Variants in TPM1 observed in about 807,000 individuals in gnomAD.
The protein encoded by TPM1 is tropomyosin alpha-1 chain.
A neutral mutation model predicts 42.9 loss-of-function variants in TPM1; 24 were observed. That is an observed-to-expected ratio of 0.56 (90% CI 0.41 to 0.79). The LOEUF is 0.79. Among genes scored for constraint, TPM1 ranks in the 30% least tolerant of loss-of-function variants. TPM1 has a pLI of 0.00. For synonymous variants in TPM1, 136 were observed against 130.1 expected (o/e 1.05, Z -0.31); for missense variants, 158 against 351.8 (o/e 0.45, Z 4.41).
intron 2 of TPM1, 114 bp downstream of exon 2, chr15:63,044,266 A>C: frequency 1.3e-6 from 2 of 1,510,076 alleles, no homozygotes; most frequent in East Asian, 4.6e-5. Flanking sequence ...GGACACCTGC[A>C]CACAGCCCTG....
chr15:63,071,293 C>G (rs1451467917), exon 9 of TPM1: 2 of 1,149,648 alleles, frequency 1.7e-6, no homozygotes, highest in Non-Finnish European at 1.3e-6. Flanking sequence ...CCACAAGATA[C>G]CAGCTAGGTC....
At chr15:63,062,339 G>T in intron 7 of TPM1, 62 bp downstream of exon 7, 1 of 1,520,486 alleles carries the variant, frequency 6.6e-7, no homozygotes, top group Non-Finnish European at 9.1e-7. Flanking sequence ...TCATGGAACC[G>T]GTCAGGGCCT....
chr15:63,062,117 C>A, intron 6 of TPM1, 98 bp from the exon 7 acceptor site: 1 of 1,077,764 alleles, frequency 9.3e-7, no homozygotes, highest in East Asian at 2.4e-5. Flanking sequence ...CTAAGAGATC[C>A]TTAACATCTG....
chr15:63,053,522 C>G (rs1270067601), intron 2 of TPM1, among the ~76,000 whole-genome samples: 1 of 152,106 alleles, frequency 6.6e-6, no homozygotes, highest in Non-Finnish European at 1.5e-5. Flanking sequence ...GTCAGAGTTC[C>G]CTCCTGCCGC....
intron 2 of TPM1, among the ~76,000 whole-genome samples, chr15:63,054,121 G>A (rs1574311): frequency 0.67 from 101,681 of 151,918 alleles, 34,498 homozygotes; most frequent in East Asian, 0.95. Flanking sequence ...GCCTCCTCAG[G>A]AAGGGGCAGC....
In TPM1 at chr15:63,062,386, A is replaced by G. The variant is rs767854239; in HGVS notation, c.702+109A>G. 373 of 1,343,654 alleles carry G rather than the reference A, an allele frequency of 2.8e-4. 3 individuals carry two copies. Among genetic ancestry groups the G allele is most frequent in the Middle Eastern group, 8.9e-4 (5 of 5,606 alleles). 83.2% of individuals were successfully genotyped at this position (1,343,654 alleles called of 1,614,324 possible). A position where few individuals can be genotyped will look rare whatever the true frequency, so the allele number is the denominator to read the frequency against. Reference sequence around the variant, plus strand: ...AGTTCCAATGATCCAAGTCAGGAATATTCAAAGGTCGCCTTGGAGTTTATG... The same window carrying G: ...AGTTCCAATGATCCAAGTCAGGAATGTTCAAAGGTCGCCTTGGAGTTTATG... On this transcript the variant is annotated intron_variant, in intron 7 of 9. Transcript: ENST00000403994.
Position 63,048,304 on chromosome 15 carries a change from G to T in TPM1, c.240+4152G>T. The T allele has an allele frequency of 2.3e-6, 2 of 880,930 alleles. 1 individual carries two copies. Among genetic ancestry groups the T allele is most frequent in the South Asian group, 2.8e-5 (2 of 70,892 alleles). 54.6% of individuals were successfully genotyped at this position (880,930 alleles called of 1,614,324 possible). A position where few individuals can be genotyped will look rare whatever the true frequency, so the allele number is the denominator to read the frequency against. ...CGCCGGGAGCGCCTTTCTCCCCGCCGCCGCGAGCATGCGCAGTGCCCCCAG... is the reference window on the plus strand; with the variant it reads ...CGCCGGGAGCGCCTTTCTCCCCGCCTCCGCGAGCATGCGCAGTGCCCCCAG... On this transcript the variant is annotated intron_variant, in intron 2 of 9. Coordinates refer to ENST00000403994, the MANE Select transcript of TPM1 (RefSeq NM_001018005.2).
intron 1 of TPM1, 105 bp downstream of exon 1, chr15:63,043,048 C>T (rs983619135): frequency 3.1e-6 from 3 of 980,976 alleles, no homozygotes; most frequent in Non-Finnish European, 4.7e-6. Context: ...CACCACCCTA[C>T]CCCCACCACC....
At chr15:63,046,510 T>G (rs1385071753) in intron 2 of TPM1, 2 of 152,234 alleles carry the variant, frequency 1.3e-5, no homozygotes, top group Non-Finnish European at 2.9e-5. Context: ...ATTTTTCTAC[T>G]ACTTTACAAA....
At chr15:63,055,208 A>G (rs2140884695) in intron 2 of TPM1, among the ~76,000 whole-genome samples, 1 of 152,352 alleles carries the variant, frequency 6.6e-6, no homozygotes, top group East Asian at 1.9e-4. Context: ...TAGGCAGTAC[A>G]GTTGTAAATG....
chr15:63,056,926 C>T, intron 2 of TPM1, 59 bp from the exon 3 acceptor site: 1 of 1,612,830 alleles, frequency 6.2e-7, no homozygotes. Flanking sequence ...CAGCCATTTC[C>T]TGAAGCTACC....
chr15:63,051,130 A>G (rs1489566906), intron 2 of TPM1, among the ~76,000 whole-genome samples: 1 of 152,338 alleles, frequency 6.6e-6, no homozygotes, highest in East Asian at 1.9e-4. Context: ...CATTATTTAA[A>G]GAAAAAGGCA....
rs921727610 is a variant in TPM1 at position 63,065,635 on chromosome 15, G to A, written c.852-261G>A. ...AGTATGATTAAATATTCTGAAAGACGAGTGTAGCTTAAAATTTTTTTTGTT... is the reference window on the plus strand; with the variant it reads ...AGTATGATTAAATATTCTGAAAGACAAGTGTAGCTTAAAATTTTTTTTGTT... On this transcript the variant is annotated intron_variant, in intron 9 of 9. Transcript: ENST00000403994. The A allele has an allele frequency of 2.0e-5, 20 of 984,904 alleles. No homozygotes were observed. In the East Asian group the frequency reaches 3.4e-4, roughly 17 times the overall value. 61.0% of individuals were successfully genotyped at this position (984,904 alleles called of 1,614,324 possible). A position where few individuals can be genotyped will look rare whatever the true frequency, so the allele number is the denominator to read the frequency against.
intron 5 of TPM1, 160 bp downstream of exon 5, chr15:63,061,099 G>A (rs140855328): frequency 9.5e-5 from 139 of 1,460,856 alleles, no homozygotes; most frequent in African/African-American, 9.3e-4. Context: ...TGGAGGACTC[G>A]TGTGGGGTGT....
rs1596392349 is a variant in TPM1 at position 63,063,776 on chromosome 15, A to G, written c.773-288A>G. Reference sequence around the variant, plus strand: ...GACAGCCTTCTGTGGTTTCGTTTACAATTTAACATGGTTTACTGATATACC... The same window carrying G: ...GACAGCCTTCTGTGGTTTCGTTTACGATTTAACATGGTTTACTGATATACC... On this transcript the variant is annotated intron_variant, in intron 8 of 9. Coordinates refer to ENST00000403994, the MANE Select transcript of TPM1 (RefSeq NM_001018005.2). 15 of 360,364 alleles carry G rather than the reference A, an allele frequency of 4.2e-5. No homozygotes were observed. The East Asian group carries it at 7.5e-4, about 18-fold the overall frequency. The allele number at this position is 360,364 out of a possible 1,614,324, so 22.3% of individuals were successfully genotyped here. A position where few individuals can be genotyped will look rare whatever the true frequency, so the allele number is the denominator to read the frequency against.
chr15:63,055,203 A>C (rs991744437), intron 2 of TPM1, among the ~76,000 whole-genome samples: 3 of 152,192 alleles, frequency 2.0e-5, no homozygotes, highest in Non-Finnish European at 2.9e-5. Context: ...CTTTGTAGGC[A>C]GTACAGTTGT....
intron 1 of TPM1, chr15:63,043,195 G>A (rs2031552305): frequency 3.6e-6 from 2 of 548,654 alleles, no homozygotes; most frequent in Non-Finnish European, 6.6e-6. Flanking sequence ...AGTCCTAGAG[G>A]CGCTTTATTC....
intron 2 of TPM1, chr15:63,048,328 A>C (rs1430944029): frequency 9.7e-7 from 1 of 1,030,092 alleles, no homozygotes; most frequent in African/African-American, 1.7e-5. Flanking sequence ...CAGTGCCCCC[A>C]GCCAGTCCCG....
chr15:63,057,370 C>T (rs1005570753), intron 3 of TPM1, among the ~76,000 whole-genome samples: 3 of 152,226 alleles, frequency 2.0e-5, no homozygotes, highest in Non-Finnish European at 4.4e-5. Flanking sequence ...CCTTACAGAA[C>T]TCACCATCTA....
Sources: gnomAD v4.1 joint callset for allele counts (sites outside exome capture counted in the v4.1 genomes callset) on GRCh38, gnomAD v4.1.1 for gene constraint, MANE v1.5 for transcripts, NCBI Gene and HGNC (gene_info 2026-07-23, HGNC 2026-07-21) for gene names.